Variants in PRR14L observed in about 807,000 individuals in gnomAD.
PRR14L encodes the protein protein PRR14L.
In PRR14L, 80 loss-of-function variants were observed where a neutral mutation model predicts 155.0. That is an observed-to-expected ratio of 0.52 (90% CI 0.43 to 0.62). The LOEUF is 0.62. Ranked by LOEUF, PRR14L falls within the 20% of genes least tolerant of loss-of-function variation. The probability of loss-of-function intolerance (pLI) is 0.00; values close to 1 mark genes in which losing one functional copy is unlikely to be tolerated. For missense variants in PRR14L, 2,469 were observed against 2,548.0 expected, an observed-to-expected ratio of 0.97 and a Z score of 0.67; for synonymous variants, 883 against 916.0, an observed-to-expected ratio of 0.96 and a Z score of 0.65.
intron 7 of PRR14L, among the ~76,000 whole-genome samples, chr22:31,693,575 G>C (rs1019271662): frequency 2.6e-5 from 4 of 152,106 alleles, no homozygotes; most frequent in African/African-American, 9.7e-5. Flanking sequence ...AACTCATTTG[G>C]GTAAATACCA....
intron 1 of PRR14L, among the ~76,000 whole-genome samples, chr22:31,749,281 G>A (rs546008125): frequency 6.6e-6 from 1 of 152,248 alleles, no homozygotes; most frequent in East Asian, 1.9e-4. Flanking sequence ...TCTTAATAAT[G>A]CAAGGGAAAG....
In PRR14L at chr22:31,715,514, T is replaced by C. The variant is rs564790164; in HGVS notation, c.2325A>G (p.Ile775Met). The change falls in exon 4 of 9, where the codon ATA becomes ATG. Residue 775 changes from isoleucine (I) to methionine (M), a missense_variant. By Grantham distance (10) the Ile-to-Met change is conservative (BLOSUM62 1). This residue lies in a region of PRR14L where 2,363 missense variants were observed against 2,371.6 expected (regional missense o/e 1.00). Transcript: ENST00000327423. ...CCTGAGATTGAACGCTGTGACATTC[T>C]ATGACAGAGACCACTTGAGGAAAGC... The part of the protein sequence containing the change: ...AAGFPQVVSV[I>M]ECHSVQSQDI... 3 of 1,552,312 alleles carry C rather than the reference T, an allele frequency of 1.9e-6. No individual in the cohort carries two copies. The highest frequency in any genetic ancestry group is 2.4e-5 in the East Asian group (1 of 40,928).
chr22:31,689,338 GA>G (rs1402050544), intron 7 of PRR14L, among the ~76,000 whole-genome samples: 1 of 151,946 alleles, frequency 6.6e-6, no homozygotes, highest in Non-Finnish European at 1.5e-5. Context: ...AAAAAATAAA[GA>G]AAAAACTGGC....
chr22:31,718,463 T>A lies in PRR14L; in HGVS notation c.548-1172A>T, dbSNP rs574809919. ...TTAGTACAGACAGGGTTTCACCATGTTAGGATGGTCTTGATCTCCTGACCT... is the reference window on the plus strand; with the variant it reads ...TTAGTACAGACAGGGTTTCACCATGATAGGATGGTCTTGATCTCCTGACCT... On this transcript the variant is annotated intron_variant, in intron 3 of 8. Transcript: ENST00000327423. 5.3e-5 allele frequency among the ~76,000 whole-genome samples: 8 copies of A among 150,760 alleles called. No homozygotes were observed. In the South Asian group the frequency reaches 1.7e-3, roughly 32 times the overall value.
rs1158791776 is a variant in PRR14L, at chr22:31,684,595, T to C, written c.*932A>G. On this transcript the variant is annotated 3_prime_UTR_variant, in exon 9 of 9. Transcript: ENST00000327423. ...TGGTGGGCAAGAATGAGAACCCAGA[T>C]GAAAAAAAGTGCTCCCTCTAATGAG... 1.3e-5 allele frequency: 2 copies of C among 151,858 alleles called. No homozygotes were observed. The highest frequency in any genetic ancestry group is 4.8e-5 in the African/African-American group (2 of 41,328). The allele number at this position is 151,858 out of a possible 1,614,324, so 9.4% of individuals were successfully genotyped here. A position where few individuals can be genotyped will look rare whatever the true frequency, so the allele number is the denominator to read the frequency against.
At chr22:31,706,248 T>C (rs1474474351) in intron 4 of PRR14L, among the ~76,000 whole-genome samples, 1 of 147,714 alleles carries the variant, frequency 6.8e-6, no homozygotes, top group Non-Finnish European at 1.5e-5. Context: ...GGAGAATTGC[T>C]TGAACCCGGG....
intron 8 of PRR14L, among the ~76,000 whole-genome samples, chr22:31,687,035 C>CT (rs1336085821): frequency 1.1e-4 from 17 of 152,222 alleles, no homozygotes; most frequent in Non-Finnish European, 8.8e-5. Flanking sequence ...GTTTATACTT[C>CT]TTTTTTCTTT....
chr22:31,722,386 T>C (rs1352077007), intron 3 of PRR14L, among the ~76,000 whole-genome samples: 4 of 142,122 alleles, frequency 2.8e-5, no homozygotes, highest in African/African-American at 1.1e-4. Context: ...GCCAAGATCG[T>C]GCCACTGCAC....
At chr22:31,727,492 C>T (rs762753753) in intron 2 of PRR14L, among the ~76,000 whole-genome samples, 8 of 151,914 alleles carry the variant, frequency 5.3e-5, no homozygotes, top group Admixed American at 2.0e-4. Flanking sequence ...ACCTTGGCCT[C>T]TCAAAGTGCT....
chr22:31,704,705 C>T lies in PRR14L; in HGVS notation c.5778G>A (p.Val1926=). ...ATGTAGCTTCCATGCCTGGAAGAGG[C>T]ACATATGGTAACATGGTGTGGCTAA... The part of the protein sequence containing the change: ...TTSSHTMLPY[V]PLPGMEATYN... Residue 1926 remains valine (V), a synonymous_variant, in exon 5 of 9, where the codon GTG becomes GTA. Transcript: ENST00000327423. The T allele has an allele frequency of 6.2e-7, 1 of 1,613,802 alleles. No individual in the cohort carries two copies. Among genetic ancestry groups the T allele is most frequent in the East Asian group, 2.2e-5 (1 of 44,868 alleles).
chr22:31,706,188 A>G (rs1330907341), intron 4 of PRR14L, among the ~76,000 whole-genome samples: 1 of 151,008 alleles, frequency 6.6e-6, no homozygotes, highest in Non-Finnish European at 1.5e-5. Flanking sequence ...AAAACTAGCT[A>G]GGCATGATGG....
In PRR14L at chr22:31,713,906, A is replaced by C. The variant is rs1272131628; in HGVS notation, c.3933T>G (p.Ala1311=). 2 of 1,551,840 alleles carry C rather than the reference A, an allele frequency of 1.3e-6. No homozygotes were observed. The highest frequency in any genetic ancestry group is 2.7e-5 in the African/African-American group (2 of 73,054). The change falls in exon 4 of 9, where the codon GCT becomes GCG. Residue 1311 remains alanine (A), a synonymous_variant. Transcript: ENST00000327423. ...CAGAGGAATTCTCGTGAGGGTGACA[A>C]GCTTTGCAAGCATTCTTTTCCACAC... ...CTCVEKNACK[A]CHPHENSSDR...
At chr22:31,697,591 C>T (rs939440602) in intron 7 of PRR14L, among the ~76,000 whole-genome samples, 1 of 152,102 alleles carries the variant, frequency 6.6e-6, no homozygotes, top group Non-Finnish European at 1.5e-5. Context: ...ATGGGATCGG[C>T]ACGATGGCTG....
Position 31,736,594 on chromosome 22 carries a change from T to C in PRR14L, c.474+1793A>G, listed in dbSNP as rs556972636. Among the ~76,000 whole-genome samples the C allele has an allele frequency of 2.0e-5, 3 of 152,284 alleles. No individual in the cohort carries two copies. The East Asian group carries it at 5.8e-4, about 29-fold the overall frequency. On this transcript the variant is annotated intron_variant, in intron 2 of 8. Coordinates refer to ENST00000327423, the MANE Select transcript of PRR14L (RefSeq NM_173566.3). ...CAGCCCAAAGAACATATGAACCTGATGGTGGGTCTAGAGCAGGGGTTGGCA... is the reference window on the plus strand; with the variant it reads ...CAGCCCAAAGAACATATGAACCTGACGGTGGGTCTAGAGCAGGGGTTGGCA...
chr22:31,686,947 T>C (rs1445009247), intron 8 of PRR14L, among the ~76,000 whole-genome samples: 1 of 152,236 alleles, frequency 6.6e-6, no homozygotes, highest in Non-Finnish European at 1.5e-5. Flanking sequence ...TATTTCGGTT[T>C]ACAATCATAT....
In PRR14L at chr22:31,714,225, T is replaced by A; in HGVS notation, c.3614A>T (p.Asn1205Ile). ...EMTEGSRLEP[N>I]SEFGKESTFG... is the part of the protein sequence containing the mutation. Reference sequence around the variant, plus strand: ...GGTACTTTCTTTGCCAAACTCAGAGTTTGGTTCTAGTCTTGATCCTTCAGT... The same window carrying A: ...GGTACTTTCTTTGCCAAACTCAGAGATTGGTTCTAGTCTTGATCCTTCAGT... Residue 1205 changes from asparagine to isoleucine, a missense_variant, in exon 4 of 9, where the codon AAC (asparagine) becomes ATC (isoleucine). By Grantham distance (149) the Asn-to-Ile change is moderately radical. Transcript: ENST00000327423. 4 of 1,551,600 alleles carry A rather than the reference T, an allele frequency of 2.6e-6. No homozygotes were observed. The South Asian group carries it at 4.8e-5, about 18-fold the overall frequency.
rs970951248 is a variant in PRR14L at position 31,713,320 on chromosome 22, G to A, written c.4519C>T (p.His1507Tyr). The A allele has an allele frequency of 2.6e-6, 4 of 1,552,342 alleles. 1 individual carries two copies. Among genetic ancestry groups the A allele is most frequent in the Non-Finnish European group, 3.5e-6 (4 of 1,147,142 alleles). ...DPSSAGCDQI[H>Y]GAFAKKGVLP... is the part of the protein sequence containing the mutation. ...ACTCCTTTCTTCGCAAAGGCACCAT[G>A]TATTTGATCACACCCAGCAGAGGAG... The change falls in exon 4 of 9, where the codon CAT becomes TAT. Residue 1507 changes from histidine to tyrosine, a missense_variant. Physicochemically the swap from His to Tyr is moderately conservative, Grantham distance 83. This residue lies in a region of PRR14L where 2,363 missense variants were observed against 2,371.6 expected (regional missense o/e 1.00). Transcript: ENST00000327423.
intron 2 of PRR14L, among the ~76,000 whole-genome samples, chr22:31,727,916 C>G (rs2074725394): frequency 6.6e-6 from 1 of 150,920 alleles, no homozygotes. Context: ...CAGGAGGAGG[C>G]TGCAGTGAGC....
At position 31,714,813 on chromosome 22, in the gene PRR14L, T is replaced by G. The variant is rs1659145417; in HGVS notation, c.3026A>C (p.Asn1009Thr). The change falls in exon 4 of 9, where the codon AAC (asparagine) becomes ACC (threonine). Residue 1009 changes from asparagine to threonine, a missense_variant. Around this residue, in one of 2 missense-constraint regions of PRR14L, gnomAD observed 2,363 missense variants for 2,371.6 expected, o/e 1.00. Coordinates refer to ENST00000327423, the MANE Select transcript of PRR14L (RefSeq NM_173566.3). ...GACCAGCAGATCCTTTTGGTTGTGG[T>G]TTACCTCCCCGTGAGGCTCGGTGAC... ...ETVTEPHGEV[N>T]HNQKDLLVSS... is the part of the protein sequence containing the mutation. 1.9e-6 allele frequency: 3 copies of G among 1,552,108 alleles called. No individual in the cohort carries two copies. The highest frequency in any genetic ancestry group is 2.6e-6 in the Non-Finnish European group (3 of 1,147,118).
Sources: allele counts gnomAD v4.1 joint callset (sites outside exome capture counted in the v4.1 genomes callset), GRCh38; gene constraint gnomAD v4.1.1; regional missense constraint gnomAD v4.1.1; transcripts MANE v1.5; gene names NCBI Gene and HGNC (gene_info 2026-07-23, HGNC 2026-07-21).